DDX24: variants seen among roughly 807,000 people sequenced by gnomAD.
The protein encoded by DDX24 is DEAD-box helicase 24.
Under a neutral mutation model 68.9 loss-of-function variants are expected in DDX24, and 24 were observed. The observed-to-expected ratio is 0.35, with a 90% CI of 0.25 to 0.49. DDX24 has a LOEUF of 0.49. DDX24 is among the 20% of genes least tolerant of loss of function. DDX24 has a pLI of 0.99. For missense variants in DDX24, 989 were observed against 1,039.0 expected (o/e 0.95, Z 0.66); for synonymous variants, 395 against 385.2 (o/e 1.03, Z -0.30).
chr14:94,062,086 C>CT lies in DDX24; in HGVS notation c.1243+10dup, dbSNP rs1374568940. On this transcript the variant is annotated intron_variant, in intron 3 of 8. Transcript: ENST00000621632. The stretch of plus-strand genomic sequence containing the variant: ...CCTAGAAAATATTTATTAAATGGAA[C>CT]TAAACCTCACCTGTAAACCTGGCCA... 1 of 1,598,062 alleles carries CT rather than the reference C, an allele frequency of 6.3e-7. No individual in the cohort carries two copies. The highest frequency in any genetic ancestry group is 1.4e-5 in the African/African-American group (1 of 73,982).
chr14:94,067,937 G>A (rs1595377927), intron 2 of DDX24, among the ~76,000 whole-genome samples: 1 of 151,990 alleles, frequency 6.6e-6, no homozygotes, highest in East Asian at 1.9e-4. Context: ...AAGTTAAAAA[G>A]CAAAAACAAA....
chr14:94,060,462 G>C lies in DDX24; in HGVS notation c.1549C>G (p.Pro517Ala), dbSNP rs754809380. The C allele has an allele frequency of 3.7e-6, 6 of 1,614,010 alleles. No homozygotes were observed. Among genetic ancestry groups the C allele is most frequent in the Non-Finnish European group, 5.1e-6 (6 of 1,180,040 alleles). Residue 517 changes from proline to alanine, a missense_variant, in exon 5 of 9, where the codon CCT becomes GCT. By Grantham distance (27) the Pro-to-Ala change is conservative (BLOSUM62 -1). Around this residue, in one of 3 missense-constraint regions of DDX24, gnomAD observed 691 missense variants for 760.0 expected, o/e 0.91. Transcript: ENST00000621632. ...SATLTLVHQA[P>A]ARILHKKHTK... ...TGCTTCTTATGAAGGATTCGAGCAG[G>C]AGCCTGATGCACCAGGGTGAGTGTG...
chr14:94,062,355 C>G lies in DDX24; in HGVS notation c.985G>C (p.Ala329Pro), dbSNP rs775090565. ...GCATCATCGTCACCAAAGAGCAACG[C>G]CTGGTCTGAGACAGTGCCTCCAGTC... is the stretch of plus-strand genomic sequence containing the variant. ...AKTGGTVSDQALLFGDDDAGE... is the reference protein window; with the variant it reads ...AKTGGTVSDQPLLFGDDDAGE... Residue 329 changes from alanine to proline, a missense_variant, in exon 3 of 9, where the codon GCG (alanine) becomes CCG (proline). By Grantham distance (27) the Ala-to-Pro change is conservative. Around this residue, in one of 3 missense-constraint regions of DDX24, gnomAD observed 691 missense variants for 760.0 expected, o/e 0.91. Coordinates refer to ENST00000621632, the MANE Select transcript of DDX24 (RefSeq NM_020414.4). The G allele has an allele frequency of 6.2e-7, 1 of 1,614,236 alleles. No individual in the cohort carries two copies. Among genetic ancestry groups the G allele is most frequent in the Non-Finnish European group, 8.5e-7 (1 of 1,180,046 alleles).
chr14:94,062,018 A>G, intron 3 of DDX24, 79 bp downstream of exon 3: 1 of 1,447,246 alleles, frequency 6.9e-7, no homozygotes, highest in Non-Finnish European at 9.2e-7. Context: ...AGAGGGCAGG[A>G]GCCACAGCTC....
chr14:94,051,167 G>A lies in DDX24; in HGVS notation c.*24C>T. 1 of 1,490,734 alleles carries A rather than the reference G, an allele frequency of 6.7e-7. No homozygotes were observed. Among genetic ancestry groups the A allele is most frequent in the Non-Finnish European group, 8.9e-7 (1 of 1,125,208 alleles). The allele number at this position is 1,490,734 out of a possible 1,614,324, so 92.3% of individuals were successfully genotyped here. The stretch of plus-strand genomic sequence containing the variant: ...ATAGCCAGAGAACAGAAACCAATGT[G>A]CAGTCACTGACACACTTGACCAGTT... On this transcript the variant is annotated 3_prime_UTR_variant, in exon 9 of 9. Transcript: ENST00000621632.
In DDX24 at chr14:94,053,358, C is replaced by CTTTT. The variant is rs1160011824; in HGVS notation, c.2179-235_2179-232dup. On this transcript the variant is annotated intron_variant, in intron 7 of 8. Transcript: ENST00000621632. ...AGGCACCACCATGCCTAGGTAATTTCTTTTTTTTTTTTTTTTTTTTTTTTT... is the reference window on the plus strand; with the variant it reads ...AGGCACCACCATGCCTAGGTAATTTCTTTTTTTTTTTTTTTTTTTTTTTTTTTTT... The CTTTT allele has an allele frequency of 7.7e-4, 96 of 124,774 alleles. 8 individuals carry two copies. Among genetic ancestry groups the CTTTT allele is most frequent in the African/African-American group, 2.8e-3 (42 of 15,174 alleles). The allele number at this position is 124,774 out of a possible 1,614,324, so 7.7% of individuals were successfully genotyped here. A position where few individuals can be genotyped will look rare whatever the true frequency, so the allele number is the denominator to read the frequency against.
Position 94,051,090 on chromosome 14 carries a change from T to G in DDX24, c.*101A>C. 1 of 1,412,930 alleles carries G rather than the reference T, an allele frequency of 7.1e-7. No homozygotes were observed. Among genetic ancestry groups the G allele is most frequent in the Non-Finnish European group, 9.4e-7 (1 of 1,061,090 alleles). The allele number at this position is 1,412,930 out of a possible 1,614,324, so 87.5% of individuals were successfully genotyped here. A position where few individuals can be genotyped will look rare whatever the true frequency, so the allele number is the denominator to read the frequency against. The stretch of plus-strand genomic sequence containing the variant: ...GTGAGTGGAAGAGAGGGAGACTTTT[T>G]TACCTGGGGTTGGTGGTGGAGTGAA... On this transcript the variant is annotated 3_prime_UTR_variant, in exon 9 of 9. Coordinates refer to ENST00000621632, the MANE Select transcript of DDX24 (RefSeq NM_020414.4).
intron 2 of DDX24, 51 bp from the exon 3 acceptor site, chr14:94,062,672 G>T: frequency 6.5e-7 from 1 of 1,540,744 alleles, no homozygotes; most frequent in South Asian, 1.3e-5. Flanking sequence ...ATCAACAGAT[G>T]AACATACTTT....
chr14:94,063,853 T>C (rs921645864), intron 2 of DDX24, among the ~76,000 whole-genome samples: 1 of 152,208 alleles, frequency 6.6e-6, no homozygotes, highest in Admixed American at 6.5e-5. Context: ...CAGTGAGCCA[T>C]GATCGTGCCA....
Position 94,051,187 on chromosome 14 carries a change from C to CCGCGG in DDX24, c.*3_*4insCCGCG. Reference sequence around the variant, plus strand: ...AATGTGCAGTCACTGACACACTTGACCAGTTAATTTGCACTTGTACTTGGC... The same window carrying CCGCGG: ...AATGTGCAGTCACTGACACACTTGACCGCGGCAGTTAATTTGCACTTGTACTTGGC... On this transcript the variant is annotated 3_prime_UTR_variant, in exon 9 of 9. Transcript: ENST00000621632. 6.5e-7 allele frequency: 1 copy of CCGCGG among 1,527,026 alleles called. No individual in the cohort carries two copies. The highest frequency in any genetic ancestry group is 8.8e-7 in the Non-Finnish European group (1 of 1,138,084). 94.6% of individuals were successfully genotyped at this position (1,527,026 alleles called of 1,614,324 possible). A position where few individuals can be genotyped will look rare whatever the true frequency, so the allele number is the denominator to read the frequency against.
At position 94,051,049 on chromosome 14, in the gene DDX24, C is replaced by T; in HGVS notation, c.*142G>A. On this transcript the variant is annotated 3_prime_UTR_variant, in exon 9 of 9. Transcript: ENST00000621632. ...AAAACAATGCAAATCTGCATGAGGT[C>T]TCTCCCGCTATGGGTGTGAGTGGAA... 1.0e-6 allele frequency: 1 copy of T among 961,318 alleles called. No homozygotes were observed. Among genetic ancestry groups the T allele is most frequent in the Non-Finnish European group, 1.5e-6 (1 of 675,996 alleles). 59.5% of individuals were successfully genotyped at this position (961,318 alleles called of 1,614,324 possible). A position where few individuals can be genotyped will look rare whatever the true frequency, so the allele number is the denominator to read the frequency against.
intron 6 of DDX24, chr14:94,057,072 C>T (rs1046421096): frequency 1.3e-5 from 2 of 152,188 alleles, no homozygotes; most frequent in Non-Finnish European, 2.9e-5. Context: ...ATTTAATTCT[C>T]AGGATAACCC....
At chr14:94,074,617 A>C (rs1380643149) in intron 2 of DDX24, among the ~76,000 whole-genome samples, 1 of 152,246 alleles carries the variant, frequency 6.6e-6, no homozygotes, top group African/African-American at 2.4e-5. Flanking sequence ...GATCAGACTT[A>C]ATGGTGAAAG....
chr14:94,068,722 T>C (rs1282805784), intron 2 of DDX24, among the ~76,000 whole-genome samples: 2 of 152,138 alleles, frequency 1.3e-5, no homozygotes, highest in African/African-American at 4.8e-5. Context: ...TTCAAAACCA[T>C]GCAAATACAT....
rs1567063604 is a variant in DDX24, at chr14:94,079,678, C to T, written c.65G>A (p.Gly22Glu). Reference sequence around the variant, plus strand: ...CTTCCATTTTCCCACAACTTTGATTCCCTTTGTCTGAAATTTGCCACAGCT... The same window carrying T: ...CTTCCATTTTCCCACAACTTTGATTTCCTTTGTCTGAAATTTGCCACAGCT... ...QSSCGKFQTK[G>E]IKVVGKWKEV... is the part of the protein sequence containing the mutation. The change falls in exon 2 of 9, where the codon GGA (glycine) becomes GAA (glutamate). Residue 22 changes from glycine (G) to glutamate (E), a missense_variant. Gly to Glu is a moderately conservative substitution (Grantham distance 98, BLOSUM62 -2). This residue lies in a region of DDX24 where 295 missense variants were observed against 263.0 expected (regional missense o/e 1.12). Transcript: ENST00000621632. 1 of 1,614,054 alleles carries T rather than the reference C, an allele frequency of 6.2e-7. No individual in the cohort carries two copies. The highest frequency in any genetic ancestry group is 2.2e-5 in the East Asian group (1 of 44,896).
chr14:94,051,565 G>A lies in DDX24; in HGVS notation c.2309-103C>T, dbSNP rs1833028869. The A allele has an allele frequency of 9.7e-6, 14 of 1,446,156 alleles. No homozygotes were observed. In the South Asian group the frequency reaches 1.9e-4, roughly 20 times the overall value. The allele number at this position is 1,446,156 out of a possible 1,614,324, so 89.6% of individuals were successfully genotyped here. On this transcript the variant is annotated intron_variant, in intron 8 of 8. Transcript: ENST00000621632. ...TGAAAAATGTTTTAGAACTACTTTA[G>A]GGAGGCAGGGTTCAAAAGTTCTCTG...
intron 8 of DDX24, 197 bp from the exon 9 acceptor site, chr14:94,051,659 G>A: frequency 1.9e-6 from 1 of 531,372 alleles, no homozygotes. Flanking sequence ...GGGATACACA[G>A]GACCGCTCTG....
At chr14:94,062,054 G>A (rs1250874425) in intron 3 of DDX24, 43 bp downstream of exon 3, 1 of 1,548,230 alleles carries the variant, frequency 6.5e-7, no homozygotes, top group Non-Finnish European at 8.7e-7. Context: ...CGAGCATTTG[G>A]GATTTACCTA....
chr14:94,073,786 G>C (rs1342197785), intron 2 of DDX24, among the ~76,000 whole-genome samples: 5 of 152,098 alleles, frequency 3.3e-5, no homozygotes, highest in Non-Finnish European at 7.4e-5. Flanking sequence ...GCTCATGCTT[G>C]TAATCCCAGA....
Sources: allele counts gnomAD v4.1 joint callset (sites outside exome capture counted in the v4.1 genomes callset), GRCh38; gene constraint gnomAD v4.1.1; regional missense constraint gnomAD v4.1.1; transcripts MANE v1.5; gene names NCBI Gene and HGNC (gene_info 2026-07-23, HGNC 2026-07-21).